Variants in ANKS1B observed in about 807,000 individuals in gnomAD.
The protein encoded by ANKS1B is ankyrin repeat and sterile alpha motif domain containing 1B.
ANKS1B carries 36 observed loss-of-function variants against 148.3 expected under a neutral mutation model. The ratio of observed to expected loss-of-function variants is 0.24; its 90% confidence interval spans 0.19 to 0.32. The LOEUF is 0.32. Ranked by LOEUF, ANKS1B falls within the 10% of genes least tolerant of loss-of-function variation. The pLI, the probability that ANKS1B is intolerant of heterozygous loss-of-function variation, is 1.00. For synonymous variants in ANKS1B, 542 were observed against 560.8 expected, an observed-to-expected ratio of 0.97 and a Z score of 0.47; for missense variants, 1,157 against 1,542.6, an observed-to-expected ratio of 0.75 and a Z score of 4.19.
chr12:99,682,598 G>C (rs532303064), intron 8 of ANKS1B, among the ~76,000 whole-genome samples: 12 of 152,282 alleles, frequency 7.9e-5, no homozygotes, highest in Admixed American at 3.3e-4. Flanking sequence ...CTGGGATACA[G>C]CAAAAGTGGT....
intron 12 of ANKS1B, among the ~76,000 whole-genome samples, chr12:99,382,462 G>A (rs967994994): frequency 2.0e-5 from 3 of 152,092 alleles, no homozygotes; most frequent in African/African-American, 7.2e-5. Flanking sequence ...CAGCACTTTG[G>A]GAGGCCAAGG....
At chr12:98,807,539 CT>C (rs1180858084) in intron 20 of ANKS1B, among the ~76,000 whole-genome samples, 1 of 152,038 alleles carries the variant, frequency 6.6e-6, no homozygotes, top group Non-Finnish European at 1.5e-5. Context: ...TCAATTTACC[CT>C]TTTCTTTTTC....
chr12:98,856,684 G>T (rs2099573423), intron 17 of ANKS1B, among the ~76,000 whole-genome samples: 2 of 152,124 alleles, frequency 1.3e-5, no homozygotes, highest in African/African-American at 4.8e-5. Flanking sequence ...CATAAGATGA[G>T]GATATGGGGG....
intron 25 of ANKS1B, among the ~76,000 whole-genome samples, chr12:98,765,691 G>T (rs2098471113): frequency 6.6e-6 from 1 of 151,462 alleles, no homozygotes; most frequent in Non-Finnish European, 1.5e-5. Flanking sequence ...TCAGCCTTAG[G>T]TTCAAGCAGT....
At chr12:99,045,448 T>C (rs2099961717) in intron 17 of ANKS1B, among the ~76,000 whole-genome samples, 1 of 152,178 alleles carries the variant, frequency 6.6e-6, no homozygotes, top group Non-Finnish European at 1.5e-5. Context: ...ATTAAAATCC[T>C]TTAGTGACTC....
chr12:99,007,576 C>T (rs1190783549), intron 17 of ANKS1B, among the ~76,000 whole-genome samples: 2 of 152,116 alleles, frequency 1.3e-5, no homozygotes, highest in Admixed American at 6.5e-5. Context: ...TCTAGTCCAG[C>T]CTTATAGCAT....
intron 22 of ANKS1B, among the ~76,000 whole-genome samples, chr12:98,798,123 A>AT (rs10714780): frequency 0.085 from 12,168 of 142,982 alleles, 553 homozygotes; most frequent in African/African-American, 0.13. Context: ...TGGAATTGCC[A>AT]TTTTTTTTTT....
intron 14 of ANKS1B, among the ~76,000 whole-genome samples, chr12:99,160,431 TG>T (rs1360553102): frequency 1.3e-5 from 2 of 151,668 alleles, no homozygotes; most frequent in Non-Finnish European, 2.9e-5. Context: ...CTCCGCCTCC[TG>T]GGTTCATGCC....
intron 22 of ANKS1B, among the ~76,000 whole-genome samples, chr12:98,788,184 CA>C (rs2098814529): frequency 6.6e-6 from 1 of 150,596 alleles, no homozygotes; most frequent in South Asian, 2.1e-4. Flanking sequence ...GTGGGTGGAT[CA>C]CCTGAGGTCA....
chr12:99,021,856 T>C (rs1332609580), intron 17 of ANKS1B, among the ~76,000 whole-genome samples: 1 of 152,200 alleles, frequency 6.6e-6, no homozygotes, highest in Non-Finnish European at 1.5e-5. Flanking sequence ...AGCTAAATAG[T>C]ACGAAATAAT....
rs140376757 is a variant in ANKS1B, at chr12:99,659,948, C to T, written c.1129-4738G>A. Among the ~76,000 whole-genome samples, 212 of 152,236 alleles carry T rather than the reference C, an allele frequency of 1.4e-3. 2 individuals are homozygous for T. Among genetic ancestry groups the T allele is most frequent in the Admixed American group, 3.3e-3 (51 of 15,286 alleles). On this transcript the variant is annotated intron_variant, in intron 8 of 26. Coordinates refer to ENST00000683438, the MANE Select transcript of ANKS1B (RefSeq NM_001352186.2). ...ACTCTTCAAGGGGACAACAAATGTTCAAGATTGTCAATGCAAAGGGACCAG... is the reference window on the plus strand; with the variant it reads ...ACTCTTCAAGGGGACAACAAATGTTTAAGATTGTCAATGCAAAGGGACCAG...
At position 99,206,092 on chromosome 12, in the gene ANKS1B, T is replaced by C. The variant is rs183371062; in HGVS notation, c.2419+38250A>G. On this transcript the variant is annotated intron_variant, in intron 14 of 26. Transcript: ENST00000683438. ...ATGAAAGGATAAGCTGCATGTAAAA[T>C]AGGGTAGCACCTATCAGCCTCTAGA... 5.3e-5 allele frequency among the ~76,000 whole-genome samples: 8 copies of C among 152,222 alleles called. No homozygotes were observed. The East Asian group carries it at 9.7e-4, about 18-fold the overall frequency.
rs1449316061 is a variant in ANKS1B at position 99,647,802 on chromosome 12, A to C, written c.1272+7265T>G. ...AGAAGAGCAGTGGGATTGCCAGTTA[A>C]GGTTGTGGAATCAAAGAGCAAAGGC... is the stretch of plus-strand genomic sequence containing the variant. On this transcript the variant is annotated intron_variant, in intron 9 of 26. Coordinates refer to ENST00000683438, the MANE Select transcript of ANKS1B (RefSeq NM_001352186.2). 2.6e-5 allele frequency: 6 copies of C among 227,792 alleles called. No individual in the cohort carries two copies. In the East Asian group the frequency reaches 5.6e-4, roughly 21 times the overall value. 14.1% of individuals were successfully genotyped at this position (227,792 alleles called of 1,614,324 possible). A position where few individuals can be genotyped will look rare whatever the true frequency, so the allele number is the denominator to read the frequency against.
chr12:99,784,166 T>A (rs1357704004), intron 4 of ANKS1B, among the ~76,000 whole-genome samples: 1 of 141,908 alleles, frequency 7.0e-6, no homozygotes, highest in Non-Finnish European at 1.5e-5. Flanking sequence ...ATACTGAACT[T>A]TCTTTTTTTT....
chr12:99,595,610 T>C (rs531388388), intron 9 of ANKS1B, among the ~76,000 whole-genome samples: 1 of 152,020 alleles, frequency 6.6e-6, no homozygotes, highest in South Asian at 2.1e-4. Context: ...CATCATAGTC[T>C]AGCTAAGCAT....
chr12:99,316,951 G>C (rs1374082119), intron 12 of ANKS1B, among the ~76,000 whole-genome samples: 1 of 152,114 alleles, frequency 6.6e-6, no homozygotes, highest in East Asian at 1.9e-4. Flanking sequence ...TCTTGTTTTT[G>C]TCAGGTTTGT....
At chr12:99,689,507 A>G (rs561284630) in intron 8 of ANKS1B, among the ~76,000 whole-genome samples, 42 of 151,938 alleles carry the variant, frequency 2.8e-4, no homozygotes, top group South Asian at 8.3e-4. Context: ...ATGCAACATC[A>G]CTCTTGTGAT....
intron 10 of ANKS1B, among the ~76,000 whole-genome samples, chr12:99,480,186 T>C (rs2096388604): frequency 1.3e-5 from 2 of 151,984 alleles, no homozygotes; most frequent in Non-Finnish European, 2.9e-5. Flanking sequence ...AATAATTATA[T>C]TGATTTGTTT....
At chr12:99,839,068 C>T (rs2085294323) in intron 1 of ANKS1B, among the ~76,000 whole-genome samples, 1 of 151,968 alleles carries the variant, frequency 6.6e-6, no homozygotes, top group African/African-American at 2.4e-5. Flanking sequence ...TGGGTTTATT[C>T]ATCTGTATAA....
Sources: allele counts gnomAD v4.1 joint callset (sites outside exome capture counted in the v4.1 genomes callset), GRCh38; gene constraint gnomAD v4.1.1; transcripts MANE v1.5; gene names NCBI Gene and HGNC (gene_info 2026-07-23, HGNC 2026-07-21).